ADCK1: variants seen among roughly 807,000 people sequenced by gnomAD.
ADCK1 encodes the protein aarF domain-containing protein kinase 1.
Under a neutral mutation model 52.3 loss-of-function variants are expected in ADCK1, and 41 were observed. The observed-to-expected ratio is 0.78, with a 90% confidence interval of 0.61 to 1.02. The LOEUF is 1.02. Ranked by LOEUF, ADCK1 falls within the 50% of genes least tolerant of loss-of-function variation. ADCK1 has a pLI of 0.00. For synonymous variants in ADCK1, 250 were observed against 274.6 expected (o/e 0.91, Z 0.89); for missense variants, 658 against 679.5 (o/e 0.97, Z 0.35).
intron 3 of ADCK1, among the ~76,000 whole-genome samples, chr14:77,832,573 A>G (rs1014918070): frequency 6.6e-6 from 1 of 152,188 alleles, no homozygotes; most frequent in African/African-American, 2.4e-5. Context: ...GATTTGGGAA[A>G]CACCGGAGGA....
At chr14:77,813,377 C>T (rs1270041242) in intron 1 of ADCK1, among the ~76,000 whole-genome samples, 1 of 152,108 alleles carries the variant, frequency 6.6e-6, no homozygotes, top group Non-Finnish European at 1.5e-5. Flanking sequence ...ATGGCATGGT[C>T]TCAGCTCACT....
At chr14:77,918,596 A>G (rs1194910803) in intron 7 of ADCK1, among the ~76,000 whole-genome samples, 2 of 152,052 alleles carry the variant, frequency 1.3e-5, no homozygotes, top group East Asian at 1.9e-4. Context: ...TTGCTCCTCA[A>G]TGCCTCTGAG....
At chr14:77,840,797 G>A (rs2082050431) in intron 3 of ADCK1, among the ~76,000 whole-genome samples, 1 of 151,556 alleles carries the variant, frequency 6.6e-6, no homozygotes, top group Admixed American at 6.6e-5. Flanking sequence ...GCAGTGAGCT[G>A]AGATGGTGCC....
At chr14:77,869,375 A>G (rs1371247433) in intron 4 of ADCK1, among the ~76,000 whole-genome samples, 2 of 151,872 alleles carry the variant, frequency 1.3e-5, no homozygotes, top group Non-Finnish European at 2.9e-5. Flanking sequence ...CATCTCCCCA[A>G]TCTCTGCCTT....
chr14:77,850,842 C>T (rs1018855786), intron 3 of ADCK1, among the ~76,000 whole-genome samples: 7 of 149,258 alleles, frequency 4.7e-5, no homozygotes, highest in East Asian at 2.0e-4. Flanking sequence ...TTTTTAGTAG[C>T]GATGTGGTTT....
At chr14:77,835,305 T>C (rs1195411217) in intron 3 of ADCK1, among the ~76,000 whole-genome samples, 1 of 152,232 alleles carries the variant, frequency 6.6e-6, no homozygotes, top group Non-Finnish European at 1.5e-5. Flanking sequence ...CTCATGATCA[T>C]TGCCCAATTT....
chr14:77,910,455 G>T (rs979097330), intron 7 of ADCK1, among the ~76,000 whole-genome samples: 1 of 152,018 alleles, frequency 6.6e-6, no homozygotes, highest in African/African-American at 2.4e-5. Context: ...GTGGCGAAGG[G>T]ATTCGATGGG....
intron 4 of ADCK1, among the ~76,000 whole-genome samples, chr14:77,878,267 T>C (rs906010919): frequency 1.3e-5 from 2 of 152,240 alleles, no homozygotes; most frequent in Admixed American, 6.5e-5. Flanking sequence ...AAATGAGTGA[T>C]CCATAGCGAA....
At chr14:77,861,235 C>T (rs2082538803) in intron 4 of ADCK1, among the ~76,000 whole-genome samples, 1 of 152,164 alleles carries the variant, frequency 6.6e-6, no homozygotes, top group Non-Finnish European at 1.5e-5. Context: ...TGGGGAGCTT[C>T]TTCAGAGCCC....
At chr14:77,820,495 C>A (rs1157743651) in intron 2 of ADCK1, among the ~76,000 whole-genome samples, 1 of 151,614 alleles carries the variant, frequency 6.6e-6, no homozygotes, top group African/African-American at 2.4e-5. Context: ...CACACCTGGC[C>A]AATTTCTCTA....
intron 1 of ADCK1, among the ~76,000 whole-genome samples, chr14:77,802,746 C>G (rs182596421): frequency 1.3e-5 from 2 of 151,760 alleles, no homozygotes; most frequent in South Asian, 4.2e-4. Flanking sequence ...GTCAGGAGAT[C>G]GAGACCATCC....
chr14:77,924,615 G>C lies in ADCK1; in HGVS notation c.1008+9G>C. On this transcript the variant is annotated intron_variant, in intron 8 of 10. Coordinates refer to ENST00000238561, the MANE Select transcript of ADCK1 (RefSeq NM_020421.4). The stretch of plus-strand genomic sequence containing the variant: ...ACCATGGGCTTTACCAGGTAGAAGA[G>C]GCCTTTGTTACCCAGCCCTGGGGCC... 6.2e-7 allele frequency: 1 copy of C among 1,612,042 alleles called. No individual in the cohort carries two copies. The highest frequency in any genetic ancestry group is 1.3e-5 in the African/African-American group (1 of 75,078).
Position 77,933,286 on chromosome 14 carries a change from C to T in ADCK1, c.1467C>T (p.Asn489=). 6.2e-7 allele frequency: 1 copy of T among 1,614,182 alleles called. No individual in the cohort carries two copies. Among genetic ancestry groups the T allele is most frequent in the Non-Finnish European group, 8.5e-7 (1 of 1,180,034 alleles). ...AGATCTCTTTCAGCGAGGCCTTCAACTTATGGCAGATCAACCTCCATGAGC... is the reference window on the plus strand; with the variant it reads ...AGATCTCTTTCAGCGAGGCCTTCAATTTATGGCAGATCAACCTCCATGAGC... ...RTQISFSEAF[N]LWQINLHELI... Residue 489 remains asparagine, a synonymous_variant, in exon 11 of 11, where the codon AAC becomes AAT. Coordinates refer to ENST00000238561, the MANE Select transcript of ADCK1 (RefSeq NM_020421.4).
chr14:77,888,752 G>A lies in ADCK1; in HGVS notation c.582+1503G>A, dbSNP rs77650897. 8.3e-4 allele frequency among the ~76,000 whole-genome samples: 126 copies of A among 152,288 alleles called. No individual in the cohort carries two copies. In the East Asian group the frequency reaches 0.017, roughly 21 times the overall value. On this transcript the variant is annotated intron_variant, in intron 5 of 10. Coordinates refer to ENST00000238561, the MANE Select transcript of ADCK1 (RefSeq NM_020421.4). Reference sequence around the variant, plus strand: ...TTAGGTTTCTGGCTTAAGTGATTACGTTTAGGTATATTTAACTATATATAG... The same window carrying A: ...TTAGGTTTCTGGCTTAAGTGATTACATTTAGGTATATTTAACTATATATAG...
At chr14:77,852,660 A>ATATATATATATATAT (rs2082310962) in intron 3 of ADCK1, among the ~76,000 whole-genome samples, 2 of 31,734 alleles carry the variant, frequency 6.3e-5, no homozygotes, top group Non-Finnish European at 6.5e-5. Context: ...TAAATAAATA[A>ATATATATATATATAT]ATATATATAT....
At chr14:77,882,187 A>G (rs1231739258) in intron 4 of ADCK1, among the ~76,000 whole-genome samples, 1 of 152,166 alleles carries the variant, frequency 6.6e-6, no homozygotes, top group East Asian at 1.9e-4. Flanking sequence ...CACTTCCATT[A>G]GTGTGGACAG....
rs558429489 is a variant in ADCK1 at position 77,842,113 on chromosome 14, CACAA to C, written c.220-16953_220-16950del. Reference sequence around the variant, plus strand: ...CTCTGTAAAACAATCAAACATGACACACAAACAAACAAAAAATTTGCCATAATTC... The same window carrying C: ...CTCTGTAAAACAATCAAACATGACACACAAACAAAAAATTTGCCATAATTC... On this transcript the variant is annotated intron_variant, in intron 3 of 10. Transcript: ENST00000238561. Among the ~76,000 whole-genome samples, 38 of 152,162 alleles carry C rather than the reference CACAA, an allele frequency of 2.5e-4. 1 individual carries two copies. The South Asian group carries it at 7.5e-3, about 30-fold the overall frequency.
chr14:77,931,644 C>T lies in ADCK1; in HGVS notation c.1333C>T (p.Leu445=), dbSNP rs1465674214. The change falls in exon 10 of 11, where the codon CTG becomes TTG. Residue 445 remains leucine, a synonymous_variant. Transcript: ENST00000238561. ...CCTGCTGCGTGGCATTGAGGCCGCC[C>T]TGGGCACCCGCGCCAGCGCCAGCTC... ...NDLLRGIEAA[L]GTRASASSFL... 6 of 1,611,938 alleles carry T rather than the reference C, an allele frequency of 3.7e-6. No individual in the cohort carries two copies. The highest frequency in any genetic ancestry group is 1.7e-5 in the Admixed American group (1 of 60,028).
At chr14:77,924,358 G>A in intron 7 of ADCK1, 99 bp from the exon 8 acceptor site, 1 of 1,482,938 alleles carries the variant, frequency 6.7e-7, no homozygotes, top group Non-Finnish European at 9.1e-7. Flanking sequence ...GATTTTCTCT[G>A]GCCTCCCCTT....
Sources: allele counts gnomAD v4.1 joint callset (sites outside exome capture counted in the v4.1 genomes callset), GRCh38; gene constraint gnomAD v4.1.1; transcripts MANE v1.5; gene names NCBI Gene and HGNC (gene_info 2026-07-23, HGNC 2026-07-21).